HNRNPF: variants seen among roughly 807,000 people sequenced by gnomAD.
HNRNPF encodes heterogeneous nuclear ribonucleoprotein F.
Under a neutral mutation model 26.0 loss-of-function variants are expected in HNRNPF, and 2 were observed. The observed-to-expected ratio is 0.08, with a 90% confidence interval of 0.03 to 0.24. The LOEUF (loss-of-function observed/expected upper bound fraction) is 0.24, where lower values mean the gene tolerates loss of function less well. Ranked by LOEUF, HNRNPF falls within the 10% of genes least tolerant of loss-of-function variation. The probability of loss-of-function intolerance (pLI) is 1.00; values close to 1 mark genes in which losing one functional copy is unlikely to be tolerated. For synonymous variants in HNRNPF, 234 were observed against 211.5 expected, an observed-to-expected ratio of 1.11 and a Z score of -0.92; for missense variants, 299 against 539.2, an observed-to-expected ratio of 0.55 and a Z score of 4.41.
intron 1 of HNRNPF, among the ~76,000 whole-genome samples, chr10:43,400,662 C>G (rs919919960): frequency 1.3e-5 from 2 of 152,286 alleles, no homozygotes; most frequent in South Asian, 4.1e-4. Flanking sequence ...ATACAAGACA[C>G]TAATTCCATT....
chr10:43,391,326 T>C (rs1588989523), intron 3 of HNRNPF, among the ~76,000 whole-genome samples: 1 of 149,236 alleles, frequency 6.7e-6, no homozygotes. Context: ...GACGTGGTGG[T>C]GGGCGCCTGT....
intron 1 of HNRNPF, among the ~76,000 whole-genome samples, chr10:43,403,244 C>T (rs372604110): frequency 2.0e-5 from 3 of 152,292 alleles, no homozygotes; most frequent in Admixed American, 6.5e-5. Context: ...TCTTGGACTC[C>T]TGGCCTCAAG....
At position 43,409,115 on chromosome 10, in the gene HNRNPF, GC is replaced by G. The variant is rs966002041; in HGVS notation, c.-247+15del. ...CTGCCGGCGTGACAGCGATTCGGTG[GC>G]CCCCCGAACCCCACCTTGAGGAAGA... On this transcript the variant is annotated intron_variant, in intron 1 of 3. Coordinates refer to ENST00000682386, the MANE Select transcript of HNRNPF (RefSeq NM_001098204.2). 2 of 152,676 alleles carry G rather than the reference GC, an allele frequency of 1.3e-5. No homozygotes were observed. The highest frequency in any genetic ancestry group is 2.9e-5 in the Non-Finnish European group (2 of 68,376). The allele number at this position is 152,676 out of a possible 1,614,324, so 9.5% of individuals were successfully genotyped here. A position where few individuals can be genotyped will look rare whatever the true frequency, so the allele number is the denominator to read the frequency against.
At chr10:43,391,519 C>T (rs1022103276) in intron 3 of HNRNPF, among the ~76,000 whole-genome samples, 5 of 152,048 alleles carry the variant, frequency 3.3e-5, no homozygotes, top group Non-Finnish European at 5.9e-5. Context: ...ATAGAGTAAG[C>T]GGGCCCTCAA....
At chr10:43,389,071 C>T (rs957434219) in intron 3 of HNRNPF, among the ~76,000 whole-genome samples, 11 of 149,802 alleles carry the variant, frequency 7.3e-5, no homozygotes, top group Admixed American at 6.0e-4. Context: ...CCTGGGTTCA[C>T]GAAATTCTCC....
intron 1 of HNRNPF, 193 bp downstream of exon 1, chr10:43,408,938 G>A (rs998858219): frequency 6.6e-6 from 1 of 152,412 alleles, no homozygotes; most frequent in African/African-American, 2.4e-5. Flanking sequence ...CCAATCCTCA[G>A]CGCCTGCCCG....
At chr10:43,407,195 G>A (rs1354201839) in intron 1 of HNRNPF, among the ~76,000 whole-genome samples, 1 of 151,230 alleles carries the variant, frequency 6.6e-6, no homozygotes, top group African/African-American at 2.4e-5. Context: ...CCCTGACCCC[G>A]GCGCAGGGCC....
chr10:43,398,372 TG>T, intron 1 of HNRNPF, among the ~76,000 whole-genome samples: 1 of 140,232 alleles, frequency 7.1e-6, no homozygotes, highest in South Asian at 2.3e-4. Flanking sequence ...GAGACAGTCT[TG>T]CTCTGTTGCC....
intron 1 of HNRNPF, chr10:43,408,880 A>G (rs916161894): frequency 6.6e-6 from 1 of 152,360 alleles, no homozygotes; most frequent in Non-Finnish European, 1.5e-5. Context: ...CCCGCCTGCG[A>G]GCACGGGGCG....
intron 1 of HNRNPF, among the ~76,000 whole-genome samples, chr10:43,406,167 C>T (rs1838912137): frequency 6.6e-6 from 1 of 152,150 alleles, no homozygotes; most frequent in Non-Finnish European, 1.5e-5. Flanking sequence ...AACCAGAGCT[C>T]AGTGGGGGAG....
intron 1 of HNRNPF, among the ~76,000 whole-genome samples, chr10:43,397,681 A>C (rs1297954061): frequency 6.6e-6 from 1 of 152,228 alleles, no homozygotes; most frequent in African/African-American, 2.4e-5. Context: ...CAATTCCTAA[A>C]CTTTTAACTA....
At chr10:43,405,990 A>G (rs1473845177) in intron 1 of HNRNPF, among the ~76,000 whole-genome samples, 3 of 151,960 alleles carry the variant, frequency 2.0e-5, no homozygotes, top group Non-Finnish European at 2.9e-5. Flanking sequence ...CCAAGTCCCA[A>G]TTGTGTCCCT....
intron 1 of HNRNPF, among the ~76,000 whole-genome samples, chr10:43,398,837 TGAGA>T (rs1838657952): frequency 6.6e-6 from 1 of 151,988 alleles, no homozygotes; most frequent in African/African-American, 2.4e-5. Flanking sequence ...TTTGTAAAAC[TGAGA>T]GAAAGCAAGT....
At chr10:43,391,853 T>TCC (rs1838262433) in intron 3 of HNRNPF, among the ~76,000 whole-genome samples, 1 of 152,144 alleles carries the variant, frequency 6.6e-6, no homozygotes, top group South Asian at 2.1e-4. Context: ...ATGTCATACC[T>TCC]CCCCTGTGCC....
At position 43,387,594 on chromosome 10, in the gene HNRNPF, C is replaced by T. The variant is rs781536538; in HGVS notation, c.291G>A (p.Leu97=). ...CGGCACTGTTGGGACCACTGTGCTT[C>T]AACACCCAATCCATCTCGGTTCTGT... The part of the protein sequence containing the change: ...KSHRTEMDWV[L]KHSGPNSADS... The change falls in exon 4 of 4, where the codon TTG becomes TTA. Residue 97 remains leucine (L), a synonymous_variant. Transcript: ENST00000682386. The surrounding 1 kb of genome is among the most constrained non-coding windows in gnomAD (Gnocchi z 6.0). The T allele has an allele frequency of 1.9e-6, 3 of 1,614,168 alleles. No individual in the cohort carries two copies. The highest frequency in any genetic ancestry group is 2.5e-6 in the Non-Finnish European group (3 of 1,180,014).
At position 43,387,225 on chromosome 10, in the gene HNRNPF, A is replaced by G. The variant is rs777638214; in HGVS notation, c.660T>C (p.Ile220=). Residue 220 remains isoleucine, a synonymous_variant, in exon 4 of 4, where the codon ATT becomes ATC. Coordinates refer to ENST00000682386, the MANE Select transcript of HNRNPF (RefSeq NM_001098204.2). This position sits in a 1 kb window ranked among gnomAD's most constrained non-coding sequence, Gnocchi z 6.0. ...CCAGGCCTGCCTGCTTCACGATGCC[A>G]ATGTACCTCCTGGCAGTCCCGGGCC... ...YDRPGTARRY[I]GIVKQAGLER... 8.7e-6 allele frequency: 14 copies of G among 1,614,008 alleles called. No homozygotes were observed. The highest frequency in any genetic ancestry group is 1.3e-5 in the African/African-American group (1 of 74,908).
intron 1 of HNRNPF, among the ~76,000 whole-genome samples, chr10:43,397,556 C>G (rs1417334550): frequency 1.3e-5 from 2 of 152,192 alleles, no homozygotes; most frequent in African/African-American, 4.8e-5. Context: ...CACAGCCCCT[C>G]TCTGGGAGGC....
At chr10:43,394,108 G>A in intron 3 of HNRNPF, among the ~76,000 whole-genome samples, 1 of 152,138 alleles carries the variant, frequency 6.6e-6, no homozygotes, top group East Asian at 1.9e-4. Context: ...TGGCCACCAT[G>A]ACCCCATCCT....
At chr10:43,390,742 C>CT (rs1388431261) in intron 3 of HNRNPF, among the ~76,000 whole-genome samples, 1 of 152,216 alleles carries the variant, frequency 6.6e-6, no homozygotes, top group Non-Finnish European at 1.5e-5. Flanking sequence ...CATGGATGTA[C>CT]TGAGTGGCTC....
Sources: allele counts gnomAD v4.1 joint callset (sites outside exome capture counted in the v4.1 genomes callset), GRCh38; gene constraint gnomAD v4.1.1; non-coding constraint Gnocchi (gnomAD v3.1); transcripts MANE v1.5; gene names NCBI Gene and HGNC (gene_info 2026-07-23, HGNC 2026-07-21).